The following WNT8A variants were observed in gnomAD, a reference collection of about 807,000 sequenced individuals.
WNT8A encodes protein Wnt-8a.
WNT8A carries 14 observed loss-of-function variants against 20.5 expected under a neutral mutation model. The ratio of observed to expected loss-of-function variants is 0.68; its 90% CI spans 0.45 to 1.07. The LOEUF (loss-of-function observed/expected upper bound fraction) is 1.07. Among genes scored for constraint, WNT8A ranks in the 50% least tolerant of loss-of-function variants. WNT8A has a pLI of 0.00. For missense variants in WNT8A, 397 were observed against 462.9 expected (o/e 0.86, Z 1.31); for synonymous variants, 167 against 169.2 (o/e 0.99, Z 0.10).
chr5:138,080,003 C>T (rs577653963), upstream of WNT8A, among the ~76,000 whole-genome samples: 97 of 152,216 alleles, frequency 6.4e-4, no homozygotes, highest in African/African-American at 2.2e-3. Context: ...CTCATCTAAT[C>T]GTCAACTACA....
At chr5:138,081,225 CAAAA>C (rs57340449), upstream of WNT8A, among the ~76,000 whole-genome samples, 20 of 122,240 alleles carry the variant, frequency 1.6e-4, no homozygotes, top group Admixed American at 1.6e-4. Flanking sequence ...GACTCTGTCT[CAAAA>C]AAAAAAAAAA....
intron 3 of WNT8A, among the ~76,000 whole-genome samples, chr5:138,088,174 G>A (rs962266887): frequency 6.6e-6 from 1 of 152,124 alleles, no homozygotes; most frequent in Non-Finnish European, 1.5e-5. Flanking sequence ...AAGCCGAAGA[G>A]ACTTAAAGCT....
chr5:138,085,540 G>T (rs1048359190), intron 2 of WNT8A, among the ~76,000 whole-genome samples: 3 of 152,144 alleles, frequency 2.0e-5, no homozygotes, highest in Non-Finnish European at 2.9e-5. Flanking sequence ...TTAGGGGAAC[G>T]AGAGTAAAGA....
upstream of WNT8A, among the ~76,000 whole-genome samples, chr5:138,080,184 G>A (rs1057383707): frequency 2.0e-5 from 3 of 151,846 alleles, no homozygotes; most frequent in Non-Finnish European, 4.4e-5. Context: ...TTAGCCAAGC[G>A]TGGAGGCGAG....
At chr5:138,086,453 A>G (rs891490428) in intron 2 of WNT8A, among the ~76,000 whole-genome samples, 1 of 151,940 alleles carries the variant, frequency 6.6e-6, no homozygotes, top group Non-Finnish European at 1.5e-5. Flanking sequence ...CCTGAGCTCA[A>G]GCAATCCACC....
In WNT8A at chr5:138,088,970, A is replaced by C; in HGVS notation, c.465A>C (p.Glu155Asp). 1 of 1,614,000 alleles carries C rather than the reference A, an allele frequency of 6.2e-7. No homozygotes were observed. The highest frequency in any genetic ancestry group is 8.5e-7 in the Non-Finnish European group (1 of 1,179,994). The change falls in exon 4 of 5, where the codon GAA (glutamate) becomes GAC (aspartate). Residue 155 changes from glutamate (E) to aspartate (D), a missense_variant. By Grantham distance (45) the Glu-to-Asp change is conservative (BLOSUM62 2). Transcript: ENST00000506684. ...GGGGAGGCTGCAGCGACAATGTGGA[A>C]TTTGGGGAAAGGATCTCCAAACTCT... The part of the protein sequence containing the change: ...WIWGGCSDNV[E>D]FGERISKLFV...
Position 138,089,026 on chromosome 5 carries a change from C to G in WNT8A, c.521C>G (p.Ala174Gly). The G allele has an allele frequency of 6.2e-7, 1 of 1,613,790 alleles. No homozygotes were observed. The highest frequency in any genetic ancestry group is 8.5e-7 in the Non-Finnish European group (1 of 1,180,042). The change falls in exon 4 of 5, where the codon GCC becomes GGC. Residue 174 changes from alanine (A) to glycine (G), a missense_variant. Transcript: ENST00000506684. Reference sequence around the variant, plus strand: ...GACAGTTTGGAGAAGGGGAAGGATGCCAGAGCCCTGATGAATCTTCACAAC... The same window carrying G: ...GACAGTTTGGAGAAGGGGAAGGATGGCAGAGCCCTGATGAATCTTCACAAC... Reference protein sequence around the residue: ...FVDSLEKGKDARALMNLHNNR... With the variant: ...FVDSLEKGKDGRALMNLHNNR...
At chr5:138,080,444 G>GTTTTTTTGT (rs750585385), upstream of WNT8A, among the ~76,000 whole-genome samples, 6,718 of 55,110 alleles carry the variant, frequency 0.12, 666 homozygotes, top group East Asian at 0.33. Context: ...TGTAAATCTT[G>GTTTTTTTGT]TTTTTTTTTT....
Position 138,085,005 on chromosome 5 carries a change from C to T in WNT8A, c.295+369C>T, listed in dbSNP as rs975250113. Among the ~76,000 whole-genome samples the T allele has an allele frequency of 3.9e-5, 6 of 151,942 alleles. No individual in the cohort carries two copies. In the East Asian group the frequency reaches 1.2e-3, roughly 29 times the overall value. ...AGGCTGGAGTGCAATGGCGCAATCT[C>T]GGCTTACCGCAACTTCCGCCTCCGG... On this transcript the variant is annotated intron_variant, in intron 2 of 4. Transcript: ENST00000506684.
intron 3 of WNT8A, among the ~76,000 whole-genome samples, chr5:138,088,445 C>T (rs1261777267): frequency 2.0e-5 from 3 of 151,888 alleles, no homozygotes; most frequent in African/African-American, 7.3e-5. Flanking sequence ...CAAACTCCAC[C>T]TCCCAGGTTC....
rs1750837430 is a variant in WNT8A, at chr5:138,091,047, C to T, written c.1084C>T (p.Gln362Ter). 1.2e-6 allele frequency: 2 copies of T among 1,612,884 alleles called. No individual in the cohort carries two copies. The highest frequency in any genetic ancestry group is 4.5e-5 in the East Asian group (2 of 44,860). ...CTGCGCACGCTCCCCAGGCAGTGCC[C>T]AGTCCCTGGGTAAGGGCAGTGCCTG... ...YYCARSPGSA[Q>*]SLGKGSA The change falls in exon 5 of 5, where the codon CAG becomes TAG. Residue 362 changes from glutamine (Q) to a stop codon, truncating the protein, a stop_gained. Transcript: ENST00000506684. LOFTEE classifies it low-confidence loss of function (END_TRUNC).
At chr5:138,083,778 T>G, upstream of WNT8A, 1 of 269,606 alleles carries the variant, frequency 3.7e-6, no homozygotes. Flanking sequence ...AGAGACAAAA[T>G]TGACATATAG....
chr5:138,077,683 C>T, the WNT8A span, among the ~76,000 whole-genome samples: 1 of 152,108 alleles, frequency 6.6e-6, no homozygotes, highest in African/African-American at 2.4e-5. Context: ...AAAAAACAAG[C>T]GGTTTTAGCC....
chr5:138,085,988 G>C (rs1335251099), intron 2 of WNT8A, among the ~76,000 whole-genome samples: 1 of 152,070 alleles, frequency 6.6e-6, no homozygotes, highest in Non-Finnish European at 1.5e-5. Context: ...GAGTTCAGTA[G>C]GTGGCAGTCA....
chr5:138,084,723 T>C, intron 2 of WNT8A, 87 bp downstream of exon 2: 1 of 1,414,244 alleles, frequency 7.1e-7, no homozygotes, highest in Non-Finnish European at 9.3e-7. Flanking sequence ...TGACATGTAT[T>C]GCACAGTGAA....
chr5:138,079,434 C>T (rs759420754), upstream of WNT8A, among the ~76,000 whole-genome samples: 5 of 151,062 alleles, frequency 3.3e-5, no homozygotes, highest in Non-Finnish European at 7.4e-5. Context: ...CTAAATTTCA[C>T]TATCATTTAT....
intron 4 of WNT8A, among the ~76,000 whole-genome samples, chr5:138,090,211 A>G (rs1163557692): frequency 6.6e-6 from 1 of 152,186 alleles, no homozygotes; most frequent in Non-Finnish European, 1.5e-5. Flanking sequence ...CAGATAGAGA[A>G]AAGCTTGACA....
chr5:138,082,428 A>C (rs572541133), upstream of WNT8A, among the ~76,000 whole-genome samples: 1 of 152,190 alleles, frequency 6.6e-6, no homozygotes, highest in East Asian at 1.9e-4. Context: ...AAAAGTACAA[A>C]ATTAGCTGGA....
chr5:138,078,522 G>A, the WNT8A span, among the ~76,000 whole-genome samples: 1 of 152,182 alleles, frequency 6.6e-6, no homozygotes, highest in African/African-American at 2.4e-5. Context: ...TTCAGTGAAA[G>A]TGCACTTTTA....
Sources: allele counts gnomAD v4.1 joint callset (sites outside exome capture counted in the v4.1 genomes callset), GRCh38; gene constraint gnomAD v4.1.1; transcripts MANE v1.5; gene names NCBI Gene and HGNC (gene_info 2026-07-23, HGNC 2026-07-21).